The following ASXL3 variants were observed in gnomAD, a reference collection of about 807,000 sequenced individuals.
ASXL3 encodes ASXL transcriptional regulator 3.
In ASXL3, 34 loss-of-function variants were observed where a neutral mutation model predicts 170.6. The ratio of observed to expected loss-of-function variants is 0.20; its 90% confidence interval spans 0.15 to 0.27. ASXL3 has a LOEUF of 0.27. Among genes scored for constraint, ASXL3 ranks in the 10% least tolerant of loss-of-function variants. The probability of loss-of-function intolerance (pLI) is 1.00; values close to 1 mark genes in which losing one functional copy is unlikely to be tolerated. For synonymous variants in ASXL3, 1,002 were observed against 989.1 expected (o/e 1.01, Z -0.24); for missense variants, 2,592 against 2,695.3 (o/e 0.96, Z 0.85).
chr18:33,596,271 G>T (rs186915263), intron 1 of ASXL3, among the ~76,000 whole-genome samples: 61 of 152,220 alleles, frequency 4.0e-4, no homozygotes, highest in African/African-American at 1.4e-3. Flanking sequence ...TTAAATGCTT[G>T]CCACCCTCCC....
At chr18:33,587,567 G>C (rs1431173778) in intron 1 of ASXL3, among the ~76,000 whole-genome samples, 4 of 151,976 alleles carry the variant, frequency 2.6e-5, no homozygotes, top group Non-Finnish European at 4.4e-5. Flanking sequence ...TTAACTTTGA[G>C]ATACAGACTC....
chr18:33,586,054 A>C (rs2065031742), intron 1 of ASXL3, among the ~76,000 whole-genome samples: 1 of 152,176 alleles, frequency 6.6e-6, no homozygotes, highest in Non-Finnish European at 1.5e-5. Flanking sequence ...TTTATTCAGA[A>C]GGTGAATGGC....
intron 4 of ASXL3, among the ~76,000 whole-genome samples, chr18:33,652,831 G>C (rs1838197292): frequency 6.6e-6 from 1 of 151,906 alleles, no homozygotes; most frequent in Admixed American, 6.6e-5. Flanking sequence ...AGTTTGAGGG[G>C]TCTTTTATCA....
intron 8 of ASXL3, among the ~76,000 whole-genome samples, chr18:33,691,609 C>T (rs2066687333): frequency 6.6e-6 from 1 of 152,166 alleles, no homozygotes; most frequent in African/African-American, 2.4e-5. Context: ...TAATAAGTTA[C>T]AGTTCCTATC....
intron 1 of ASXL3, among the ~76,000 whole-genome samples, chr18:33,588,114 A>G (rs1401713153): frequency 1.3e-5 from 2 of 152,094 alleles, no homozygotes; most frequent in African/African-American, 2.4e-5. Flanking sequence ...GCTGTGGTTT[A>G]TAACCTATTG....
Position 33,744,862 on chromosome 18 carries a change from C to T in ASXL3, c.5014C>T (p.Leu1672Phe). ...TGTTGCTCTTCCTGTGAAATCTGAA[C>T]TTCACGAAGCAGACAAGGGCTTTAG... ...TNVALPVKSE[L>F]HEADKGFRMD... is the part of the protein sequence containing the mutation. The change falls in exon 12 of 12, where the codon CTT becomes TTT. Residue 1672 changes from leucine (L) to phenylalanine (F), a missense_variant. By Grantham distance (22) the Leu-to-Phe change is conservative. Around this residue, in one of 4 missense-constraint regions of ASXL3, gnomAD observed 2,246 missense variants for 2,219.6 expected, o/e 1.01. Transcript: ENST00000269197. 6.2e-7 allele frequency: 1 copy of T among 1,614,048 alleles called. No homozygotes were observed. The highest frequency in any genetic ancestry group is 8.5e-7 in the Non-Finnish European group (1 of 1,179,900).
chr18:33,625,751 T>C (rs2065593283), intron 2 of ASXL3: 1 of 152,106 alleles, frequency 6.6e-6, no homozygotes, highest in Admixed American at 6.6e-5. Context: ...CAAGTTTTCT[T>C]TGTTTTAATA....
chr18:33,621,804 G>T (rs2065517935), intron 2 of ASXL3, among the ~76,000 whole-genome samples: 2 of 152,134 alleles, frequency 1.3e-5, no homozygotes, highest in Non-Finnish European at 2.9e-5. Context: ...AGGGCCAATA[G>T]ATTTGTCTGT....
intron 5 of ASXL3, among the ~76,000 whole-genome samples, chr18:33,667,490 T>C (rs1010608032): frequency 1.3e-5 from 2 of 152,196 alleles, no homozygotes; most frequent in African/African-American, 2.4e-5. Flanking sequence ...TCCCTACTCC[T>C]TTTTTCCATC....
At position 33,743,879 on chromosome 18, in the gene ASXL3, C is replaced by T; in HGVS notation, c.4031C>T (p.Pro1344Leu). Residue 1344 changes from proline (P) to leucine (L), a missense_variant, in exon 12 of 12, where the codon CCC (proline) becomes CTC (leucine). This residue lies in a region of ASXL3 where 2,246 missense variants were observed against 2,219.6 expected (regional missense o/e 1.01). Coordinates refer to ENST00000269197, the MANE Select transcript of ASXL3 (RefSeq NM_030632.3). ...VSTQYTSVPT[P>L]SIGNNLPNLS... ...ACTCAGTACACCTCTGTGCCAACTC[C>T]CTCCATCGGAAACAATTTGCCAAAC... 1 of 1,614,008 alleles carries T rather than the reference C, an allele frequency of 6.2e-7. No individual in the cohort carries two copies. Among genetic ancestry groups the T allele is most frequent in the Non-Finnish European group, 8.5e-7 (1 of 1,179,896 alleles).
At chr18:33,738,238 T>C (rs1156469370) in intron 10 of ASXL3, among the ~76,000 whole-genome samples, 1 of 152,186 alleles carries the variant, frequency 6.6e-6, no homozygotes, top group Non-Finnish European at 1.5e-5. Flanking sequence ...TTGGTAAGGC[T>C]CCTATCTCCT....
At chr18:33,661,059 TG>T (rs1269621007) in intron 4 of ASXL3, among the ~76,000 whole-genome samples, 1 of 152,176 alleles carries the variant, frequency 6.6e-6, no homozygotes, top group Non-Finnish European at 1.5e-5. Context: ...ATAATTATCT[TG>T]AATTGATAAC....
intron 4 of ASXL3, among the ~76,000 whole-genome samples, chr18:33,654,984 G>A (rs1219651707): frequency 3.9e-5 from 6 of 151,996 alleles, no homozygotes; most frequent in Admixed American, 6.6e-5. Flanking sequence ...TTATAGCTAC[G>A]TCTTATGTAT....
intron 2 of ASXL3, among the ~76,000 whole-genome samples, chr18:33,636,709 T>C (rs1485827462): frequency 3.9e-5 from 6 of 152,146 alleles, no homozygotes; most frequent in Non-Finnish European, 7.3e-5. Flanking sequence ...ATGCATTTCA[T>C]GTCAGATGTG....
In ASXL3 at chr18:33,705,477, A is replaced by G. The variant is rs181326433; in HGVS notation, c.879+21909A>G. On this transcript the variant is annotated intron_variant, in intron 8 of 11. Coordinates refer to ENST00000269197, the MANE Select transcript of ASXL3 (RefSeq NM_030632.3). ...GTTACAAACTTCTAATTTATATAAA[A>G]TGAGCCATTTTCAGCAGCAAAATCA... is the stretch of plus-strand genomic sequence containing the variant. Among the ~76,000 whole-genome samples the G allele has an allele frequency of 3.3e-5, 5 of 151,970 alleles. No homozygotes were observed. In the East Asian group the frequency reaches 5.8e-4, roughly 18 times the overall value.
intron 8 of ASXL3, among the ~76,000 whole-genome samples, chr18:33,715,441 T>A (rs1263695677): frequency 6.6e-6 from 1 of 152,192 alleles, no homozygotes; most frequent in Non-Finnish European, 1.5e-5. Flanking sequence ...GCTTTTCACA[T>A]TAGACTTTTA....
At chr18:33,670,477 CA>C (rs2066322687) in intron 5 of ASXL3, among the ~76,000 whole-genome samples, 195 bp from the exon 6 acceptor site, 2 of 152,062 alleles carry the variant, frequency 1.3e-5, no homozygotes, top group Admixed American at 1.3e-4. Flanking sequence ...TACCCTTTGC[CA>C]AAGCCTGATT....
At chr18:33,625,557 C>T (rs550447117) in intron 2 of ASXL3, among the ~76,000 whole-genome samples, 4 of 152,074 alleles carry the variant, frequency 2.6e-5, no homozygotes, top group Non-Finnish European at 5.9e-5. Context: ...ACATGTTATT[C>T]TTTATGAGAT....
At chr18:33,710,947 A>G (rs1028625459) in intron 8 of ASXL3, among the ~76,000 whole-genome samples, 9 of 152,316 alleles carry the variant, frequency 5.9e-5, no homozygotes, top group South Asian at 4.1e-4. Flanking sequence ...ATAAATTTGC[A>G]TACAAAATGC....
Sources: allele counts gnomAD v4.1 joint callset (sites outside exome capture counted in the v4.1 genomes callset), GRCh38; gene constraint gnomAD v4.1.1; regional missense constraint gnomAD v4.1.1; transcripts MANE v1.5; gene names NCBI Gene and HGNC (gene_info 2026-07-23, HGNC 2026-07-21).